Variants in CCT7 observed in about 807,000 individuals in gnomAD.
CCT7 encodes the protein T-complex protein 1 subunit eta.
Under a neutral mutation model 56.6 loss-of-function variants are expected in CCT7, and 16 were observed. That is an observed-to-expected ratio of 0.28 (90% CI 0.19 to 0.43). The LOEUF is 0.43. CCT7 is among the 20% of genes least tolerant of loss of function. The probability of loss-of-function intolerance (pLI) is 1.00; values close to 1 mark genes in which losing one functional copy is unlikely to be tolerated. For missense variants in CCT7, 519 were observed against 685.6 expected (o/e 0.76, Z 2.71); for synonymous variants, 262 against 254.8 (o/e 1.03, Z -0.27).
intron 3 of CCT7, among the ~76,000 whole-genome samples, chr2:73,241,075 A>G (rs1202795709): frequency 2.7e-5 from 4 of 150,194 alleles, no homozygotes; most frequent in Non-Finnish European, 5.9e-5. Context: ...AACAGACATA[A>G]TATTTATTCT....
chr2:73,250,320 C>T lies in CCT7; in HGVS notation c.1085C>T (p.Thr362Ile). 6.2e-7 allele frequency: 1 copy of T among 1,614,148 alleles called. No individual in the cohort carries two copies. The highest frequency in any genetic ancestry group is 1.7e-5 in the Admixed American group (1 of 60,020). ...CCTGGGCATAGGTACAATTTTTTTA[C>T]TGGCTGCCCCAAGGCCAAGACATGC... is the stretch of plus-strand genomic sequence containing the variant. Reference protein sequence around the residue: ...QIGGERYNFFTGCPKAKTCTF... With the variant: ...QIGGERYNFFIGCPKAKTCTF... The change falls in exon 10 of 12, where the codon ACT becomes ATT. Residue 362 changes from threonine (T) to isoleucine (I), a missense_variant. Physicochemically the swap from Thr to Ile is moderately conservative, Grantham distance 89 (BLOSUM62 -1). This residue lies in a region of CCT7 where 237 missense variants were observed against 300.8 expected (regional missense o/e 0.79). Coordinates refer to ENST00000258091, the MANE Select transcript of CCT7 (RefSeq NM_006429.4).
At chr2:73,252,593 G>A (rs1383822252) in intron 11 of CCT7, 47 bp from the exon 12 acceptor site, 1 of 1,466,668 alleles carries the variant, frequency 6.8e-7, no homozygotes, top group African/African-American at 1.4e-5. Context: ...CAAGAGGAAA[G>A]TTGAAAGTAG....
At chr2:73,250,812 T>C (rs892171732) in intron 10 of CCT7, among the ~76,000 whole-genome samples, 2 of 151,800 alleles carry the variant, frequency 1.3e-5, no homozygotes, top group Non-Finnish European at 2.9e-5. Flanking sequence ...GGCATGTGCC[T>C]GTAGTCAGTC....
rs932281601 is a variant in CCT7, at chr2:73,239,631, T to C, written c.7-12T>C. 1 of 1,612,698 alleles carries C rather than the reference T, an allele frequency of 6.2e-7. No homozygotes were observed. The highest frequency in any genetic ancestry group is 1.7e-5 in the Admixed American group (1 of 59,824). ...ATGATTATTAAAAGCAGTTAATTTCTTTCTTTTCTAGCCCACACCAGTTAT... is the reference window on the plus strand; with the variant it reads ...ATGATTATTAAAAGCAGTTAATTTCCTTCTTTTCTAGCCCACACCAGTTAT... On this transcript the variant is annotated splice_polypyrimidine_tract_variant and intron_variant, in intron 1 of 11. Transcript: ENST00000258091.
intron 1 of CCT7, among the ~76,000 whole-genome samples, chr2:73,235,831 C>A (rs897543258): frequency 6.6e-6 from 1 of 152,156 alleles, no homozygotes; most frequent in Admixed American, 6.5e-5. Flanking sequence ...CCAGGGCTTC[C>A]GTAAGAGCTT....
At chr2:73,238,071 T>C (rs898969879) in intron 1 of CCT7, among the ~76,000 whole-genome samples, 4 of 152,206 alleles carry the variant, frequency 2.6e-5, no homozygotes, top group African/African-American at 9.6e-5. Context: ...ACTCCCACTC[T>C]CTTATTCCGT....
rs200915592 is a variant in CCT7 at position 73,250,364 on chromosome 2, G to A, written c.1129G>A (p.Gly377Ser). The A allele has an allele frequency of 4.0e-4, 639 of 1,614,050 alleles. 2 individuals carry two copies. Among genetic ancestry groups the A allele is most frequent in the Non-Finnish European group, 5.1e-4 (603 of 1,180,006 alleles). Reference protein sequence around the residue: ...AKTCTFILRGGAEQFMEETER... With the variant: ...AKTCTFILRGSAEQFMEETER... ...GACATGCACCTTCATTCTCCGTGGC[G>A]GCGCCGAGCAGTTTATGGAGGAGAC... The change falls in exon 10 of 12, where the codon GGC (glycine) becomes AGC (serine). Residue 377 changes from glycine (G) to serine (S), a missense_variant. Gly to Ser is a moderately conservative substitution (Grantham distance 56). Around this residue, in one of 3 missense-constraint regions of CCT7, gnomAD observed 237 missense variants for 300.8 expected, o/e 0.79. Transcript: ENST00000258091.
chr2:73,251,095 C>A, intron 10 of CCT7, 131 bp from the exon 11 acceptor site: 4 of 761,438 alleles, frequency 5.3e-6, no homozygotes, highest in Non-Finnish European at 8.9e-6. Context: ...TGTGTCTGGG[C>A]GTTTGGGGCT....
chr2:73,243,739 G>C (rs1687213898), intron 4 of CCT7: 1 of 464,164 alleles, frequency 2.2e-6, no homozygotes, highest in East Asian at 3.4e-5. Context: ...GTTACCTGCA[G>C]ACCCAGAGCA....
At position 73,244,689 on chromosome 2, in the gene CCT7, A is replaced by G. The variant is rs768276055; in HGVS notation, c.592A>G (p.Lys198Glu). The G allele has an allele frequency of 3.7e-6, 6 of 1,613,582 alleles. No homozygotes were observed. Among genetic ancestry groups the G allele is most frequent in the Non-Finnish European group, 5.1e-6 (6 of 1,179,660 alleles). Residue 198 changes from lysine (K) to glutamate (E), a missense_variant, in exon 6 of 12, where the codon AAG (lysine) becomes GAG (glutamate). By Grantham distance (56) the Lys-to-Glu change is moderately conservative (BLOSUM62 1). This residue lies in a region of CCT7 where 276 missense variants were observed against 357.3 expected (regional missense o/e 0.77). Transcript: ENST00000258091. ...DLLQLKMIGI[K>E]KVQGGALEDS... Reference sequence around the variant, plus strand: ...GCTGCAGCTTAAAATGATTGGAATCAAGAAGGTACAGGGTGGAGCCCTCGA... The same window carrying G: ...GCTGCAGCTTAAAATGATTGGAATCGAGAAGGTACAGGGTGGAGCCCTCGA...
intron 1 of CCT7, among the ~76,000 whole-genome samples, chr2:73,236,978 A>C (rs1179652462): frequency 6.6e-6 from 1 of 152,250 alleles, no homozygotes; most frequent in South Asian, 2.1e-4. Flanking sequence ...TCAAGAAGCC[A>C]GTGCTGTCAA....
intron 4 of CCT7, among the ~76,000 whole-genome samples, chr2:73,243,578 T>C (rs753259277): frequency 1.1e-4 from 16 of 152,248 alleles, no homozygotes; most frequent in Admixed American, 2.6e-4. Flanking sequence ...AGGAGTACTT[T>C]GGAAAAAAAT....
chr2:73,239,664 A>G lies in CCT7; in HGVS notation c.28A>G (p.Lys10Glu). MMPTPVILL[K>E]EGTDSSQGIP... ...CTAGCCCACACCAGTTATCCTATTG[A>G]AAGAGGGGACTGATAGCTCCCAAGG... Residue 10 changes from lysine (K) to glutamate (E), a missense_variant, in exon 2 of 12, where the codon AAA (lysine) becomes GAA (glutamate). By Grantham distance (56) the Lys-to-Glu change is moderately conservative. Transcript: ENST00000258091. 1 of 1,613,938 alleles carries G rather than the reference A, an allele frequency of 6.2e-7. No homozygotes were observed. Among genetic ancestry groups the G allele is most frequent in the Non-Finnish European group, 8.5e-7 (1 of 1,179,834 alleles).
chr2:73,251,447 T>A lies in CCT7; in HGVS notation c.1410+15T>A. The A allele has an allele frequency of 1.0e-5, 5 of 501,228 alleles. No homozygotes were observed. Among genetic ancestry groups the A allele is most frequent in the South Asian group, 1.6e-5 (1 of 61,764 alleles). 31.0% of individuals were successfully genotyped at this position (501,228 alleles called of 1,614,324 possible). ...GGCATGCCCAGGTGGGTCCTTTCTC[T>A]CCCCAGGGTTCAGGGTTTGGGCGGG... On this transcript the variant is annotated intron_variant, in intron 11 of 11. Coordinates refer to ENST00000258091, the MANE Select transcript of CCT7 (RefSeq NM_006429.4).
At position 73,251,285 on chromosome 2, in the gene CCT7, G is replaced by A. The variant is rs1385332603; in HGVS notation, c.1263G>A (p.Arg421=). The A allele has an allele frequency of 5.6e-6, 9 of 1,614,186 alleles. No homozygotes were observed. Among genetic ancestry groups the A allele is most frequent in the African/African-American group, 1.3e-5 (1 of 75,036 alleles). The part of the protein sequence containing the change: ...AIEMELSKYL[R]DYSRTIPGKQ... ...AGATGGAACTCTCCAAGTACCTGCG[G>A]GATTACTCAAGGACTATTCCAGGAA... Residue 421 remains arginine, a synonymous_variant, in exon 11 of 12, where the codon CGG becomes CGA. Coordinates refer to ENST00000258091, the MANE Select transcript of CCT7 (RefSeq NM_006429.4).
In CCT7 at chr2:73,251,429, C is replaced by G; in HGVS notation, c.1407C>G (p.Ala469=). Residue 469 remains alanine (A), a synonymous_variant, in exon 11 of 12, where the codon GCC becomes GCG. Coordinates refer to ENST00000258091, the MANE Select transcript of CCT7 (RefSeq NM_006429.4). ...TCAACAAGCTGCGGGCTCGGCATGC[C>G]CAGGTGGGTCCTTTCTCTCCCCAGG... ...NILNKLRARH[A]QGGTWYGVDI... The G allele has an allele frequency of 6.2e-7, 1 of 1,611,782 alleles. No individual in the cohort carries two copies.
At chr2:73,251,541 C>A in intron 11 of CCT7, 109 bp downstream of exon 11, 1 of 909,024 alleles carries the variant, frequency 1.1e-6, no homozygotes, top group Non-Finnish European at 1.7e-6. Flanking sequence ...AGATAGGCTG[C>A]AACTCCCCCC....
chr2:73,234,661 C>T (rs1021336810), intron 1 of CCT7, among the ~76,000 whole-genome samples: 1 of 152,230 alleles, frequency 6.6e-6, no homozygotes, highest in African/African-American at 2.4e-5. Context: ...CGCGAACCCA[C>T]GTCGGGGACC....
chr2:73,244,794 C>A, intron 6 of CCT7, 79 bp downstream of exon 6: 1 of 1,117,008 alleles, frequency 9.0e-7, no homozygotes, highest in Non-Finnish European at 1.3e-6. Context: ...CAGAGGGGTA[C>A]TCATTACAGG....
Sources: gnomAD v4.1 joint callset for allele counts (sites outside exome capture counted in the v4.1 genomes callset) on GRCh38, gnomAD v4.1.1 for gene constraint, gnomAD v4.1.1 regional missense constraint, MANE v1.5 for transcripts, NCBI Gene and HGNC (gene_info 2026-07-23, HGNC 2026-07-21) for gene names.